VPS8: variants seen among roughly 807,000 people sequenced by gnomAD.
VPS8 encodes the protein VPS8 subunit of CORVET complex.
A neutral mutation model predicts 216.4 loss-of-function variants in VPS8; 129 were observed. The observed-to-expected ratio is 0.60, with a 90% CI of 0.52 to 0.69. The LOEUF is 0.69. Ranked by LOEUF, VPS8 falls within the 30% of genes least tolerant of loss-of-function variation. The pLI is 0.00. For missense variants in VPS8, 1,531 were observed against 1,683.5 expected (o/e 0.91, Z 1.59); for synonymous variants, 571 against 565.4 (o/e 1.01, Z -0.14).
At chr3:184,906,380 A>C (rs1735499199) in intron 25 of VPS8, among the ~76,000 whole-genome samples, 1 of 152,208 alleles carries the variant, frequency 6.6e-6, no homozygotes, top group Non-Finnish European at 1.5e-5. Context: ...GCACTTGAGC[A>C]TAGTAATGTG....
chr3:185,023,157 A>G (rs1756886267), intron 45 of VPS8, among the ~76,000 whole-genome samples: 1 of 152,182 alleles, frequency 6.6e-6, no homozygotes, highest in African/African-American at 2.4e-5. Flanking sequence ...GATTATCTTT[A>G]CAAATTAATT....
chr3:185,010,374 A>C (rs905280711), intron 45 of VPS8, among the ~76,000 whole-genome samples: 2 of 152,246 alleles, frequency 1.3e-5, no homozygotes, highest in African/African-American at 4.8e-5. Context: ...GCAAAGAAGC[A>C]GGAAAATACA....
intron 21 of VPS8, among the ~76,000 whole-genome samples, chr3:184,875,028 T>G (rs529718372): frequency 6.6e-6 from 1 of 151,686 alleles, no homozygotes; most frequent in African/African-American, 2.4e-5. Context: ...AAAGGCAGGA[T>G]GACCAACTGA....
At chr3:184,895,435 G>A (rs1733202641) in intron 23 of VPS8, among the ~76,000 whole-genome samples, 1 of 151,894 alleles carries the variant, frequency 6.6e-6, no homozygotes, top group South Asian at 2.1e-4. Flanking sequence ...TTTTTAGCAT[G>A]AATAGCCAGC....
chr3:184,974,113 C>T (rs896100844), intron 40 of VPS8, among the ~76,000 whole-genome samples: 1 of 152,088 alleles, frequency 6.6e-6, no homozygotes, highest in Admixed American at 6.5e-5. Flanking sequence ...TTAGTTTCTT[C>T]AGGAACCCCC....
intron 45 of VPS8, among the ~76,000 whole-genome samples, chr3:185,006,967 GTCTT>G (rs1333547820): frequency 6.6e-6 from 1 of 152,206 alleles, no homozygotes; most frequent in African/African-American, 2.4e-5. Context: ...GGCAGATAAA[GTCTT>G]TCTTCCTGCC....
intron 18 of VPS8, chr3:184,868,272 A>G: frequency 2.0e-6 from 1 of 505,816 alleles, no homozygotes; most frequent in South Asian, 3.2e-5. Flanking sequence ...ATTCAAAATA[A>G]TAGTGGCTTA....
At chr3:184,909,456 T>TC (rs1736089708) in intron 25 of VPS8, among the ~76,000 whole-genome samples, 1 of 152,220 alleles carries the variant, frequency 6.6e-6, no homozygotes, top group Non-Finnish European at 1.5e-5. Context: ...TGGTCTTTTT[T>TC]CCTCTCTGTT....
At chr3:184,990,816 GA>G (rs1489335664) in intron 42 of VPS8, among the ~76,000 whole-genome samples, 1 of 152,064 alleles carries the variant, frequency 6.6e-6, no homozygotes, top group Non-Finnish European at 1.5e-5. Context: ...AGATGCAAAT[GA>G]AAAAATTAGT....
intron 29 of VPS8, among the ~76,000 whole-genome samples, chr3:184,924,127 G>A (rs1051752319): frequency 3.9e-5 from 6 of 152,196 alleles, no homozygotes; most frequent in Non-Finnish European, 5.9e-5. Flanking sequence ...TTAAAAGCCT[G>A]TTATACAAAA....
chr3:184,905,407 A>G (rs1735311269), intron 25 of VPS8, among the ~76,000 whole-genome samples: 1 of 152,074 alleles, frequency 6.6e-6, no homozygotes, highest in African/African-American at 2.4e-5. Context: ...ATTCCTTTGT[A>G]ATTCCTTTTA....
chr3:185,011,112 A>AC (rs1049996138), intron 45 of VPS8, among the ~76,000 whole-genome samples: 2 of 41,888 alleles, frequency 4.8e-5, no homozygotes, highest in Admixed American at 3.9e-4. Flanking sequence ...GACACAGAGT[A>AC]CAAAAAAAAA....
rs572143896 is a variant in VPS8, at chr3:184,839,654, C to A, written c.481-44C>A. The A allele has an allele frequency of 4.6e-5, 71 of 1,547,330 alleles. 1 individual carries two copies. In the Middle Eastern group the frequency reaches 8.4e-4, roughly 18 times the overall value. ...ATTCAACTCTGATTATTTCAAGATT[C>A]TTAATGTAATGTCTTAAAACGTAAT... is the stretch of plus-strand genomic sequence containing the variant. On this transcript the variant is annotated intron_variant, in intron 6 of 47. Coordinates refer to ENST00000625842, the MANE Select transcript of VPS8 (RefSeq NM_001009921.3).
intron 23 of VPS8, among the ~76,000 whole-genome samples, chr3:184,896,031 C>T (rs1423499746): frequency 6.6e-6 from 1 of 151,990 alleles, no homozygotes; most frequent in Non-Finnish European, 1.5e-5. Flanking sequence ...GGAAGACTAA[C>T]AAAAGTCTTA....
intron 43 of VPS8, among the ~76,000 whole-genome samples, chr3:184,995,913 TA>T (rs924885472): frequency 5.9e-5 from 9 of 152,202 alleles, no homozygotes; most frequent in African/African-American, 2.2e-4. Context: ...GCAGTTTCAG[TA>T]AAAAATCTGG....
At chr3:184,856,491 T>C (rs898472119) in intron 14 of VPS8, among the ~76,000 whole-genome samples, 6 of 152,210 alleles carry the variant, frequency 3.9e-5, no homozygotes, top group Non-Finnish European at 7.4e-5. Flanking sequence ...AATAATCTCT[T>C]GCGTTTCCTA....
At chr3:184,937,763 A>G (rs972356549) in intron 35 of VPS8, among the ~76,000 whole-genome samples, 3 of 152,220 alleles carry the variant, frequency 2.0e-5, no homozygotes, top group Non-Finnish European at 4.4e-5. Context: ...ATGCATGTTC[A>G]GAGAACAGTC....
At chr3:184,953,114 A>G (rs1457418620) in intron 36 of VPS8, among the ~76,000 whole-genome samples, 3 of 152,198 alleles carry the variant, frequency 2.0e-5, no homozygotes, top group Non-Finnish European at 2.9e-5. Flanking sequence ...ACCTGGGTCC[A>G]CTTACCTGGT....
intron 41 of VPS8, 70 bp downstream of exon 41, chr3:184,982,717 A>G (rs1227365610): frequency 3.2e-6 from 4 of 1,261,362 alleles, no homozygotes; most frequent in African/African-American, 2.9e-5. Flanking sequence ...TGCAGAAACT[A>G]TCAGTATAAT....
Sources: gnomAD v4.1 joint callset for allele counts (sites outside exome capture counted in the v4.1 genomes callset) on GRCh38, gnomAD v4.1.1 for gene constraint, MANE v1.5 for transcripts, NCBI Gene and HGNC (gene_info 2026-07-23, HGNC 2026-07-21) for gene names.